Variants in HYDIN observed in about 807,000 individuals in gnomAD.
HYDIN encodes the protein axonemal central pair apparatus protein HYDIN.
HYDIN carries 132 observed loss-of-function variants against 403.9 expected under a neutral mutation model. The ratio of observed to expected loss-of-function variants is 0.33; its 90% CI spans 0.28 to 0.38. The LOEUF is 0.38. HYDIN is among the 10% of genes least tolerant of loss of function. HYDIN has a pLI of 1.00. For synonymous variants in HYDIN, 1,202 were observed against 1,891.7 expected (o/e 0.64, Z 9.46); for missense variants, 2,827 against 5,009.5 (o/e 0.56, Z 13.15).
intron 41 of HYDIN, among the ~76,000 whole-genome samples, chr16:70,949,021 C>T (rs1224175825): frequency 7.3e-5 from 11 of 150,146 alleles, no homozygotes; most frequent in Non-Finnish European, 1.3e-4. Context: ...ATGTTTATTG[C>T]GGCACTACTC....
intron 1 of HYDIN, among the ~76,000 whole-genome samples, chr16:71,226,898 T>C (rs2041056608): frequency 6.6e-6 from 1 of 152,134 alleles, no homozygotes. Flanking sequence ...TTTTAGTCAG[T>C]TAGTGAGACA....
At chr16:71,214,605 C>G (rs920077465) in intron 1 of HYDIN, among the ~76,000 whole-genome samples, 2 of 152,178 alleles carry the variant, frequency 1.3e-5, no homozygotes, top group African/African-American at 4.8e-5. Context: ...TGACAGGAAC[C>G]TCCTAGTGCT....
intron 18 of HYDIN, among the ~76,000 whole-genome samples, chr16:71,041,713 TG>T (rs1351249397): frequency 6.6e-6 from 1 of 152,178 alleles, no homozygotes; most frequent in African/African-American, 2.4e-5. Flanking sequence ...AGTGGTTATC[TG>T]CATGATGTGA....
rs141978512 is a variant in HYDIN at position 71,094,359 on chromosome 16, G to T, written c.1328-424C>A. The stretch of plus-strand genomic sequence containing the variant: ...AGGTAGACTAACAACAGTCACATGG[G>T]TATAACAGTTATGAGCATACAAGCT... On this transcript the variant is annotated intron_variant, in intron 10 of 85. Coordinates refer to ENST00000393567, the MANE Select transcript of HYDIN (RefSeq NM_001270974.2). Among the ~76,000 whole-genome samples the T allele has an allele frequency of 2.3e-3, 349 of 152,214 alleles. 3 individuals carry two copies. The highest frequency in any genetic ancestry group is 7.8e-3 in the African/African-American group (324 of 41,506).
At chr16:70,907,932 A>G (rs907859205) in intron 49 of HYDIN, among the ~76,000 whole-genome samples, 3 of 152,050 alleles carry the variant, frequency 2.0e-5, no homozygotes, top group Admixed American at 6.6e-5. Flanking sequence ...AGAGTCACAC[A>G]TGGTTTCTAT....
At chr16:70,840,662 G>A (rs1488397247) in intron 75 of HYDIN, among the ~76,000 whole-genome samples, 12 of 152,176 alleles carry the variant, frequency 7.9e-5, no homozygotes, top group Non-Finnish European at 1.6e-4. Flanking sequence ...AGGACAAGAG[G>A]GTGTTCTATC....
At chr16:70,896,300 T>A (rs2076201340) in intron 53 of HYDIN, among the ~76,000 whole-genome samples, 1 of 151,714 alleles carries the variant, frequency 6.6e-6, no homozygotes. Flanking sequence ...AGGGACTGAC[T>A]TTTTTATTGT....
At chr16:71,141,516 C>A (rs1056222915) in intron 7 of HYDIN, among the ~76,000 whole-genome samples, 1 of 151,388 alleles carries the variant, frequency 6.6e-6, no homozygotes, top group Non-Finnish European at 1.5e-5. Flanking sequence ...AATACATGAC[C>A]CATCCAAAAA....
chr16:70,892,289 T>C (rs2041513345), intron 56 of HYDIN, 72 bp downstream of exon 56: 69 of 1,540,710 alleles, frequency 4.5e-5, no homozygotes, highest in Non-Finnish European at 5.8e-5. Flanking sequence ...GATTAGGTCA[T>C]GTATCCTTCT....
At chr16:71,067,210 G>C in intron 15 of HYDIN, 80 bp downstream of exon 15, 2 of 693,986 alleles carry the variant, frequency 2.9e-6, no homozygotes, top group Non-Finnish European at 4.9e-6. Context: ...TGGGTTGGCA[G>C]GCCAGCTGCC....
At chr16:70,820,864 G>A (rs1016230156) in intron 83 of HYDIN, among the ~76,000 whole-genome samples, 6 of 152,004 alleles carry the variant, frequency 3.9e-5, no homozygotes, top group Admixed American at 2.0e-4. Flanking sequence ...GGCCAGGCGG[G>A]TCTTGAACTC....
At chr16:71,141,580 A>G (rs994038722) in intron 7 of HYDIN, among the ~76,000 whole-genome samples, 1 of 152,110 alleles carries the variant, frequency 6.6e-6, no homozygotes, top group African/African-American at 2.4e-5. Flanking sequence ...GCTGCAAGAT[A>G]GCACTAGTAA....
At chr16:70,809,658 C>T in intron 85 of HYDIN, 125 bp downstream of exon 85, 2 of 771,692 alleles carry the variant, frequency 2.6e-6, no homozygotes, top group Non-Finnish European at 4.4e-6. Context: ...GCAGGTGTCA[C>T]CATGACAACG....
At chr16:71,067,452 G>GCTCCCCTCCCCC in intron 14 of HYDIN, 62 bp from the exon 15 acceptor site, 1 of 960,106 alleles carries the variant, frequency 1.0e-6, no homozygotes, top group Non-Finnish European at 1.6e-6. Flanking sequence ...CACGGGGGAG[G>GCTCCCCTCCCCC]GGAGCCTCCG....
intron 47 of HYDIN, among the ~76,000 whole-genome samples, chr16:70,909,858 A>G (rs1300525797): frequency 6.6e-6 from 1 of 150,720 alleles, no homozygotes; most frequent in Admixed American, 6.6e-5. Flanking sequence ...ACCACGCCTG[A>G]CTAATTTTGT....
chr16:71,175,464 A>C (rs994875227), intron 5 of HYDIN, 143 bp downstream of exon 5: 11 of 875,212 alleles, frequency 1.3e-5, no homozygotes, highest in African/African-American at 3.4e-5. Flanking sequence ...AACAACAACA[A>C]CACAAATGTC....
chr16:70,996,354 C>A (rs1380811077), intron 23 of HYDIN, among the ~76,000 whole-genome samples: 1 of 152,140 alleles, frequency 6.6e-6, no homozygotes, highest in African/African-American at 2.4e-5. Context: ...AGCTAAGAGG[C>A]CAGTGGATCA....
At chr16:70,962,366 AT>A (rs1235590775) in intron 37 of HYDIN, among the ~76,000 whole-genome samples, 2 of 150,988 alleles carry the variant, frequency 1.3e-5, no homozygotes, top group Non-Finnish European at 3.0e-5. Context: ...AACTAAAATT[AT>A]ACATTTGCTT....
chr16:71,009,289 G>C (rs1311104046), intron 23 of HYDIN, among the ~76,000 whole-genome samples: 5 of 148,598 alleles, frequency 3.4e-5, no homozygotes, highest in Non-Finnish European at 7.4e-5. Flanking sequence ...GAGACACTAG[G>C]TGCAGGTGAT....
Sources: gnomAD v4.1 joint callset for allele counts (sites outside exome capture counted in the v4.1 genomes callset) on GRCh38, gnomAD v4.1.1 for gene constraint, MANE v1.5 for transcripts, NCBI Gene and HGNC (gene_info 2026-07-23, HGNC 2026-07-21) for gene names.